SLC22A15: variants seen among roughly 807,000 people sequenced by gnomAD.
SLC22A15 encodes flipt 1.
Under a neutral mutation model 62.7 loss-of-function variants are expected in SLC22A15, and 45 were observed. That is an observed-to-expected ratio of 0.72 (90% CI 0.56 to 0.92). The LOEUF (loss-of-function observed/expected upper bound fraction) is 0.92. SLC22A15 is among the 40% of genes least tolerant of loss of function. The probability of loss-of-function intolerance (pLI) is 0.00; values close to 1 mark genes in which losing one functional copy is unlikely to be tolerated. For missense variants in SLC22A15, 622 were observed against 665.6 expected, an observed-to-expected ratio of 0.93 and a Z score of 0.72; for synonymous variants, 264 against 267.0, an observed-to-expected ratio of 0.99 and a Z score of 0.11.
At chr1:115,992,933 A>C (rs1334347314) in intron 2 of SLC22A15, among the ~76,000 whole-genome samples, 4 of 151,978 alleles carry the variant, frequency 2.6e-5, no homozygotes, top group Admixed American at 2.6e-4. Context: ...CCTATAGTTC[A>C]TTTTTAAGTC....
At chr1:116,059,096 A>C (rs1362343566) in intron 8 of SLC22A15, among the ~76,000 whole-genome samples, 1 of 152,198 alleles carries the variant, frequency 6.6e-6, no homozygotes, top group African/African-American at 2.4e-5. Flanking sequence ...TACCTCAATA[A>C]ATTATGGAAA....
chr1:115,999,185 G>C (rs1245410963), intron 2 of SLC22A15, among the ~76,000 whole-genome samples: 1 of 152,130 alleles, frequency 6.6e-6, no homozygotes, highest in East Asian at 1.9e-4. Context: ...GACTTGTTTT[G>C]TGGCTAACAT....
intron 1 of SLC22A15, among the ~76,000 whole-genome samples, chr1:115,982,456 G>A (rs2101052815): frequency 6.6e-6 from 1 of 152,184 alleles, no homozygotes; most frequent in South Asian, 2.1e-4. Flanking sequence ...TTGTCTCTCA[G>A]CAATGTTGTG....
chr1:116,009,670 G>A (rs916015689), intron 2 of SLC22A15, among the ~76,000 whole-genome samples: 2 of 152,178 alleles, frequency 1.3e-5, no homozygotes, highest in Non-Finnish European at 2.9e-5. Context: ...CAATTTCAAT[G>A]ACTTCACTAG....
intron 6 of SLC22A15, among the ~76,000 whole-genome samples, chr1:116,033,544 A>C (rs1434666826): frequency 7.5e-6 from 1 of 132,550 alleles, no homozygotes; most frequent in South Asian, 2.6e-4. Flanking sequence ...GCTTGATTTA[A>C]ATAGGGGTGT....
At chr1:116,063,311 T>C (rs958186827) in intron 9 of SLC22A15, among the ~76,000 whole-genome samples, 1 of 152,150 alleles carries the variant, frequency 6.6e-6, no homozygotes, top group Non-Finnish European at 1.5e-5. Context: ...TAGTAATAAG[T>C]GAATATCAGA....
In SLC22A15 at chr1:116,067,218, A is replaced by G. The variant is rs1259757957; in HGVS notation, c.*110A>G. On this transcript the variant is annotated 3_prime_UTR_variant, in exon 12 of 12. Transcript: ENST00000369503. ...TTGTAAAAATAGAGGCTTGGCTTGA[A>G]TGTACATAGATGGTACCTGGCATGG... is the stretch of plus-strand genomic sequence containing the variant. The G allele has an allele frequency of 3.9e-6, 3 of 767,656 alleles. No individual in the cohort carries two copies. The highest frequency in any genetic ancestry group is 6.6e-6 in the Non-Finnish European group (3 of 457,056). The allele number at this position is 767,656 out of a possible 1,614,324, so 47.6% of individuals were successfully genotyped here. A position where few individuals can be genotyped will look rare whatever the true frequency, so the allele number is the denominator to read the frequency against.
chr1:115,992,727 T>A (rs909599478), intron 2 of SLC22A15, among the ~76,000 whole-genome samples: 3 of 150,704 alleles, frequency 2.0e-5, no homozygotes, highest in African/African-American at 4.9e-5. Flanking sequence ...GTTCAAGCAA[T>A]TTTCCTGCCT....
intron 1 of SLC22A15, among the ~76,000 whole-genome samples, chr1:115,989,986 G>A (rs971325700): frequency 2.6e-4 from 40 of 152,154 alleles, no homozygotes; most frequent in Non-Finnish European, 4.4e-4. Flanking sequence ...TTTAAGGAGA[G>A]TATATTTCAA....
chr1:115,999,502 CTT>C (rs71096857), intron 2 of SLC22A15, among the ~76,000 whole-genome samples: 44 of 133,916 alleles, frequency 3.3e-4, no homozygotes, highest in South Asian at 9.6e-4. Context: ...TATTTTTGTT[CTT>C]TTTTTTTTTT....
chr1:116,052,739 C>T (rs1317943601), intron 8 of SLC22A15, among the ~76,000 whole-genome samples: 14 of 152,286 alleles, frequency 9.2e-5, no homozygotes, highest in Middle Eastern at 3.4e-3. Flanking sequence ...CAGCAGCATT[C>T]GCGGTTCACG....
intron 8 of SLC22A15, among the ~76,000 whole-genome samples, chr1:116,039,890 A>T (rs190196477): frequency 6.6e-6 from 1 of 152,350 alleles, no homozygotes; most frequent in East Asian, 1.9e-4. Context: ...CTACATTTAT[A>T]AAAGTTCTAA....
intron 8 of SLC22A15, among the ~76,000 whole-genome samples, chr1:116,060,649 A>G (rs1570775784): frequency 6.6e-6 from 1 of 152,192 alleles, no homozygotes; most frequent in African/African-American, 2.4e-5. Context: ...ATGCCTCCCA[A>G]TACCTTTTCC....
chr1:116,053,927 C>T (rs1267193614), intron 8 of SLC22A15, among the ~76,000 whole-genome samples: 1 of 151,912 alleles, frequency 6.6e-6, no homozygotes, highest in African/African-American at 2.4e-5. Context: ...AAAGGAACAA[C>T]CGGTACCAGC....
intron 1 of SLC22A15, among the ~76,000 whole-genome samples, chr1:115,977,436 C>G (rs1357015984): frequency 6.6e-6 from 1 of 152,226 alleles, no homozygotes; most frequent in Non-Finnish European, 1.5e-5. Flanking sequence ...ATTCCATATG[C>G]GAAAGGTCAC....
intron 1 of SLC22A15, among the ~76,000 whole-genome samples, chr1:115,988,021 C>T (rs1278472376): frequency 6.6e-6 from 1 of 152,146 alleles, no homozygotes. Flanking sequence ...ACTTTAAAAA[C>T]CTTCACTTCT....
chr1:116,056,800 T>C (rs531506147), intron 8 of SLC22A15, among the ~76,000 whole-genome samples: 1 of 152,232 alleles, frequency 6.6e-6, no homozygotes, highest in Non-Finnish European at 1.5e-5. Context: ...AAACAAGACA[T>C]GGGGAAAGGA....
chr1:116,033,589 A>ATGTGTG (rs780778022), intron 6 of SLC22A15, among the ~76,000 whole-genome samples: 59 of 133,146 alleles, frequency 4.4e-4, no homozygotes, highest in Non-Finnish European at 8.4e-4. Context: ...GTGTGTGTGT[A>ATGTGTG]TGTGTGTGTG....
chr1:116,032,544 GC>G, intron 6 of SLC22A15: 4 of 985,318 alleles, frequency 4.1e-6, no homozygotes, highest in Non-Finnish European at 4.8e-6. Context: ...ATAAGAAGCT[GC>G]AAAGATATTT....
Sources: allele counts gnomAD v4.1 joint callset (sites outside exome capture counted in the v4.1 genomes callset), GRCh38; gene constraint gnomAD v4.1.1; transcripts MANE v1.5; gene names NCBI Gene and HGNC (gene_info 2026-07-23, HGNC 2026-07-21).